The following MGST3 variants were observed in gnomAD, a reference collection of about 807,000 sequenced individuals.
The protein encoded by MGST3 is glutathione S-transferase 3, mitochondrial.
A neutral mutation model predicts 15.8 loss-of-function variants in MGST3; 13 were observed. The ratio of observed to expected loss-of-function variants is 0.82; its 90% CI spans 0.54 to 1.31. The LOEUF (loss-of-function observed/expected upper bound fraction) is 1.31, where lower values mean the gene tolerates loss of function less well. MGST3 is among the 50% of genes most tolerant of loss of function. The probability of loss-of-function intolerance (pLI) is 0.00; values close to 1 mark genes in which losing one functional copy is unlikely to be tolerated. For synonymous variants in MGST3, 49 were observed against 68.1 expected (o/e 0.72, Z 1.38); for missense variants, 155 against 192.4 (o/e 0.81, Z 1.15).
At chr1:165,652,144 C>T in intron 4 of MGST3, 109 bp downstream of exon 4, 1 of 817,862 alleles carries the variant, frequency 1.2e-6, no homozygotes, top group Admixed American at 1.8e-5. Context: ...TGTCTAGGCA[C>T]TGCATATTTA....
At chr1:165,638,514 T>G (rs2101715607) in intron 1 of MGST3, among the ~76,000 whole-genome samples, 2 of 152,088 alleles carry the variant, frequency 1.3e-5, no homozygotes, top group East Asian at 3.9e-4. Context: ...CCAGGTACGG[T>G]GGCTCACACC....
intron 3 of MGST3, chr1:165,651,327 T>C: frequency 1.8e-6 from 1 of 563,004 alleles, no homozygotes; most frequent in South Asian, 2.0e-5. Context: ...CATGGTTGCA[T>C]TACCTACTAC....
intron 1 of MGST3, among the ~76,000 whole-genome samples, chr1:165,639,088 TATTCCAACGATCGTGG>T (rs1648198228): frequency 6.6e-6 from 1 of 152,196 alleles, no homozygotes; most frequent in African/African-American, 2.4e-5. Context: ...CTATGTAAAG[TATTCCAACGATCGTGG>T]ATCTGTCTCT....
chr1:165,650,223 C>T (rs1182258384), intron 2 of MGST3: 2 of 510,184 alleles, frequency 3.9e-6, no homozygotes, highest in East Asian at 3.7e-5. Flanking sequence ...TCCAATAGTA[C>T]ACTTCTGCTT....
chr1:165,633,649 C>G (rs1009930463), intron 1 of MGST3, among the ~76,000 whole-genome samples: 1 of 152,106 alleles, frequency 6.6e-6, no homozygotes, highest in Non-Finnish European at 1.5e-5. Flanking sequence ...TGGTTCCTTC[C>G]TTTGGGGTGG....
intron 1 of MGST3, among the ~76,000 whole-genome samples, chr1:165,643,736 C>T (rs900392499): frequency 8.6e-5 from 13 of 151,594 alleles, no homozygotes; most frequent in African/African-American, 1.5e-4. Context: ...GGTGTTGTGG[C>T]GGGCGCCTGT....
At chr1:165,653,020 T>G (rs1262024575) in intron 4 of MGST3, among the ~76,000 whole-genome samples, 1 of 152,258 alleles carries the variant, frequency 6.6e-6, no homozygotes, top group Non-Finnish European at 1.5e-5. Flanking sequence ...AAGCCTTTCC[T>G]AACCATCTGG....
intron 5 of MGST3, 37 bp from the exon 6 acceptor site, chr1:165,655,331 G>A: frequency 6.2e-7 from 1 of 1,613,194 alleles, no homozygotes; most frequent in Non-Finnish European, 8.5e-7. Flanking sequence ...TAATTCTGGA[G>A]CACTCCTGGT....
At chr1:165,642,740 G>A (rs895345087) in intron 1 of MGST3, among the ~76,000 whole-genome samples, 3 of 152,194 alleles carry the variant, frequency 2.0e-5, no homozygotes, top group Non-Finnish European at 4.4e-5. Context: ...TGAGGAAACT[G>A]AGGTGCTGAA....
At chr1:165,648,972 C>G (rs932529384) in intron 1 of MGST3, 1 of 152,188 alleles carries the variant, frequency 6.6e-6, no homozygotes, top group African/African-American at 2.4e-5. Context: ...GGGTAACTCT[C>G]CTAGGTTAAA....
intron 1 of MGST3, among the ~76,000 whole-genome samples, chr1:165,632,740 G>A (rs1366281880): frequency 1.3e-5 from 2 of 151,994 alleles, no homozygotes; most frequent in African/African-American, 4.8e-5. Flanking sequence ...GCAGCCTTCC[G>A]CTTTATTTAG....
chr1:165,650,933 A>G, intron 2 of MGST3, 81 bp from the exon 3 acceptor site: 1 of 1,196,204 alleles, frequency 8.4e-7, no homozygotes, highest in Middle Eastern at 1.9e-4. Flanking sequence ...TTTGGAATAT[A>G]TTGTTTTTAA....
chr1:165,640,429 G>A (rs914843492), intron 1 of MGST3, among the ~76,000 whole-genome samples: 2 of 151,992 alleles, frequency 1.3e-5, no homozygotes, highest in Non-Finnish European at 1.5e-5. Context: ...TAACCACCAA[G>A]ACAAGACTGT....
intron 1 of MGST3, chr1:165,632,213 C>G: frequency 1.2e-6 from 2 of 1,611,504 alleles, no homozygotes; most frequent in Non-Finnish European, 1.7e-6. Flanking sequence ...GGGGTTAGAA[C>G]TTTAATTCCT....
chr1:165,633,167 T>TAGCAGCAAGTAGATTATCGCTATGTAAA (rs1412806073), intron 1 of MGST3, among the ~76,000 whole-genome samples: 14 of 149,390 alleles, frequency 9.4e-5, no homozygotes, highest in Non-Finnish European at 4.4e-5. Flanking sequence ...ATTTAGCAGT[T>TAGCAGCAAGTAGATTATCGCTATGTAAA]AGCAGCAAGT....
intron 3 of MGST3, 153 bp from the exon 4 acceptor site, chr1:165,651,825 G>A (rs1648563999): frequency 1.7e-6 from 1 of 574,218 alleles, no homozygotes; most frequent in Non-Finnish European, 3.0e-6. Flanking sequence ...AACCCGGGAG[G>A]CGGAGGTTGC....
At chr1:165,633,561 G>T (rs1648015572) in intron 1 of MGST3, among the ~76,000 whole-genome samples, 1 of 152,060 alleles carries the variant, frequency 6.6e-6, no homozygotes, top group South Asian at 2.1e-4. Context: ...GGGAGCGGTT[G>T]TACCACAGCT....
intron 1 of MGST3, among the ~76,000 whole-genome samples, chr1:165,644,852 G>A (rs183585644): frequency 3.3e-5 from 5 of 152,108 alleles, no homozygotes; most frequent in East Asian, 3.9e-4. Flanking sequence ...TCCACCTCCC[G>A]GATTCAAGCA....
chr1:165,634,261 G>A lies in MGST3; in HGVS notation c.-8+2968G>A, dbSNP rs113928266. Among the ~76,000 whole-genome samples the A allele has an allele frequency of 3.9e-5, 6 of 152,240 alleles. 1 individual carries two copies. The highest frequency in any genetic ancestry group is 1.4e-4 in the African/African-American group (6 of 41,542). ...CACAAACTGGAGCCAGACTGCTTGG[G>A]GGTGTGGGGATCTGGCTGTGCTCTG... is the stretch of plus-strand genomic sequence containing the variant. On this transcript the variant is annotated intron_variant, in intron 1 of 5. Transcript: ENST00000367889.
Sources: gnomAD v4.1 joint callset for allele counts (sites outside exome capture counted in the v4.1 genomes callset) on GRCh38, gnomAD v4.1.1 for gene constraint, MANE v1.5 for transcripts, NCBI Gene and HGNC (gene_info 2026-07-23, HGNC 2026-07-21) for gene names.